The following ALK variants were observed in gnomAD, a reference collection of about 807,000 sequenced individuals.
ALK encodes ALK receptor tyrosine kinase.
Under a neutral mutation model 163.1 loss-of-function variants are expected in ALK, and 74 were observed. That is an observed-to-expected ratio of 0.45 (90% confidence interval 0.38 to 0.55). The LOEUF is 0.55. Ranked by LOEUF, ALK falls within the 20% of genes least tolerant of loss-of-function variation. The pLI, the probability that ALK is intolerant of heterozygous loss-of-function variation, is 0.00. For missense variants in ALK, 2,063 were observed against 2,105.3 expected (o/e 0.98, Z 0.39); for synonymous variants, 960 against 843.2 (o/e 1.14, Z -2.40).
At chr2:29,417,899 G>A (rs759867672) in intron 4 of ALK, among the ~76,000 whole-genome samples, 2 of 152,182 alleles carry the variant, frequency 1.3e-5, no homozygotes, top group Non-Finnish European at 2.9e-5. Flanking sequence ...CCTAGTGGCT[G>A]AGCTTGTAAA....
At chr2:29,565,880 GA>G (rs1239863466) in intron 3 of ALK, among the ~76,000 whole-genome samples, 1 of 152,182 alleles carries the variant, frequency 6.6e-6, no homozygotes, top group African/African-American at 2.4e-5. Flanking sequence ...AAAAAGGGAG[GA>G]AAGAAAAAGA....
chr2:29,467,604 T>C (rs1671243974), intron 4 of ALK, among the ~76,000 whole-genome samples: 2 of 152,336 alleles, frequency 1.3e-5, no homozygotes, highest in East Asian at 1.9e-4. Flanking sequence ...TTCTTTCTGG[T>C]ATAAAAGCCT....
In ALK at chr2:29,734,758, A is replaced by T. The variant is rs1679845876; in HGVS notation, c.668-17061T>A. On this transcript the variant is annotated intron_variant, in intron 1 of 28. Transcript: ENST00000389048. ...AAATAAAAGAAAATTAAAATACTGGACTACTACTTTTCACTTATTGAATTA... is the reference window on the plus strand; with the variant it reads ...AAATAAAAGAAAATTAAAATACTGGTCTACTACTTTTCACTTATTGAATTA... Among the ~76,000 whole-genome samples the T allele has an allele frequency of 3.3e-5, 5 of 152,128 alleles. No individual in the cohort carries two copies. In the South Asian group the frequency reaches 1.0e-3, roughly 32 times the overall value.
chr2:29,372,562 G>C (rs1221823684), intron 5 of ALK, among the ~76,000 whole-genome samples: 1 of 152,198 alleles, frequency 6.6e-6, no homozygotes, highest in Non-Finnish European at 1.5e-5. Flanking sequence ...ACTGTGTCAG[G>C]TGAGGCACAC....
chr2:29,318,045 TG>T (rs1056886772), intron 8 of ALK, among the ~76,000 whole-genome samples: 2 of 152,250 alleles, frequency 1.3e-5, no homozygotes, highest in African/African-American at 4.8e-5. Context: ...AAATCTCTTC[TG>T]GGTTTGATTA....
intron 6 of ALK, among the ~76,000 whole-genome samples, chr2:29,321,313 A>G (rs147030492): frequency 8.2e-4 from 125 of 152,324 alleles, no homozygotes; most frequent in Middle Eastern, 3.4e-3. Context: ...AAGCCACTGT[A>G]TAGCTCACTA....
intron 26 of ALK, among the ~76,000 whole-genome samples, chr2:29,198,645 A>G (rs1442865757): frequency 6.6e-6 from 1 of 152,240 alleles, no homozygotes; most frequent in Non-Finnish European, 1.5e-5. Flanking sequence ...ATCTACCAGC[A>G]CCATGTAAAA....
At chr2:29,297,880 C>A (rs990217123) in intron 8 of ALK, among the ~76,000 whole-genome samples, 1 of 146,914 alleles carries the variant, frequency 6.8e-6, no homozygotes, top group Non-Finnish European at 1.5e-5. Context: ...TATATCATAT[C>A]ATTGCCTAAA....
intron 9 of ALK, among the ~76,000 whole-genome samples, chr2:29,283,855 CTCTT>C (rs2148221328): frequency 6.6e-6 from 1 of 152,282 alleles, no homozygotes; most frequent in East Asian, 1.9e-4. Context: ...ATCTCTCCCC[CTCTT>C]TCTTTGAGCA....
At chr2:29,905,772 G>A (rs1667529534) in intron 1 of ALK, among the ~76,000 whole-genome samples, 1 of 152,182 alleles carries the variant, frequency 6.6e-6, no homozygotes, top group Non-Finnish European at 1.5e-5. Flanking sequence ...GGGTCCAAGG[G>A]GGCTGGAGCA....
At chr2:29,355,922 C>T (rs1668235588) in intron 5 of ALK, among the ~76,000 whole-genome samples, 1 of 152,106 alleles carries the variant, frequency 6.6e-6, no homozygotes, top group Non-Finnish European at 1.5e-5. Context: ...ACGCTGGAGC[C>T]AATTGTGTGC....
Position 29,831,163 on chromosome 2 carries a change from A to G in ALK, c.667+88830T>C, listed in dbSNP as rs1178193156. On this transcript the variant is annotated intron_variant, in intron 1 of 28. Coordinates refer to ENST00000389048, the MANE Select transcript of ALK (RefSeq NM_004304.5). ...AAGAAGGGGAAGAAGGGGAAGAAGGAGAAGAGGAAGAGGAAGGGGAAGGGG... is the reference window on the plus strand; with the variant it reads ...AAGAAGGGGAAGAAGGGGAAGAAGGGGAAGAGGAAGAGGAAGGGGAAGGGG... 3.2e-4 allele frequency among the ~76,000 whole-genome samples: 13 copies of G among 40,890 alleles called. 2 individuals are homozygous for G. Among genetic ancestry groups the G allele is most frequent in the African/African-American group, 9.9e-4 (10 of 10,064 alleles). The allele number at this position is 40,890 out of a possible 152,430, so 26.8% of individuals were successfully genotyped here.
chr2:29,490,141 A>G (rs747673932), intron 4 of ALK, among the ~76,000 whole-genome samples: 7 of 152,246 alleles, frequency 4.6e-5, no homozygotes, highest in Non-Finnish European at 1.0e-4. Context: ...TTGATGCTAA[A>G]TCCCAGAATA....
intron 3 of ALK, among the ~76,000 whole-genome samples, chr2:29,596,937 G>A (rs527964938): frequency 5.7e-4 from 87 of 152,244 alleles, no homozygotes; most frequent in South Asian, 2.9e-3. Context: ...TTTGTGGAGG[G>A]GTCCAACCAA....
intron 5 of ALK, among the ~76,000 whole-genome samples, chr2:29,383,472 A>G (rs1471922606): frequency 6.6e-6 from 1 of 152,078 alleles, no homozygotes; most frequent in Non-Finnish European, 1.5e-5. Context: ...GCACATCACC[A>G]CACCAGGCTA....
intron 4 of ALK, among the ~76,000 whole-genome samples, chr2:29,512,889 C>G (rs1313913499): frequency 7.0e-6 from 1 of 142,826 alleles, no homozygotes; most frequent in Non-Finnish European, 1.5e-5. Context: ...GAGTGAACTC[C>G]CATTCACAAT....
chr2:29,910,527 A>G (rs1201314831), intron 1 of ALK, among the ~76,000 whole-genome samples: 3 of 152,200 alleles, frequency 2.0e-5, no homozygotes, highest in Non-Finnish European at 4.4e-5. Flanking sequence ...AACACAAAGC[A>G]AATTACATAA....
At chr2:29,557,495 T>C (rs554265345) in intron 3 of ALK, among the ~76,000 whole-genome samples, 333 of 152,268 alleles carry the variant, frequency 2.2e-3, no homozygotes, top group African/African-American at 7.7e-3. Flanking sequence ...ACACTGGGCA[T>C]AAATAGCAGA....
At position 29,699,975 on chromosome 2, in the gene ALK, A is replaced by G. The variant is rs74557889; in HGVS notation, c.788-4961T>C. On this transcript the variant is annotated intron_variant, in intron 2 of 28. Transcript: ENST00000389048. ...GAGCAGCTGAGACCCCAGCAGGTCTATTTCTGTCTCTAGGCCTGTTTCTTT... is the reference window on the plus strand; with the variant it reads ...GAGCAGCTGAGACCCCAGCAGGTCTGTTTCTGTCTCTAGGCCTGTTTCTTT... 1.0e-3 allele frequency among the ~76,000 whole-genome samples: 157 copies of G among 152,274 alleles called. 2 individuals carry two copies. In the East Asian group the frequency reaches 0.027, roughly 27 times the overall value.
Sources: allele counts gnomAD v4.1 joint callset (sites outside exome capture counted in the v4.1 genomes callset), GRCh38; gene constraint gnomAD v4.1.1; transcripts MANE v1.5; gene names NCBI Gene and HGNC (gene_info 2026-07-23, HGNC 2026-07-21).